SDSL: variants seen among roughly 807,000 people sequenced by gnomAD.
SDSL encodes the protein serine dehydratase like.
Under a neutral mutation model 27.6 loss-of-function variants are expected in SDSL, and 26 were observed. The ratio of observed to expected loss-of-function variants is 0.94; its 90% CI spans 0.69 to 1.31. SDSL has a LOEUF of 1.31. Ranked by LOEUF, SDSL falls within the 50% of genes most tolerant of loss-of-function variation. The pLI, the probability that SDSL is intolerant of heterozygous loss-of-function variation, is 0.00. For synonymous variants in SDSL, 196 were observed against 180.6 expected, an observed-to-expected ratio of 1.09 and a Z score of -0.69; for missense variants, 431 against 423.5, an observed-to-expected ratio of 1.02 and a Z score of -0.16.
rs774776829 is a variant in SDSL, at chr12:113,437,973, G to A, written c.884G>A (p.Gly295Asp). 1 of 1,614,118 alleles carries A rather than the reference G, an allele frequency of 6.2e-7. No homozygotes were observed. The highest frequency in any genetic ancestry group is 1.7e-5 in the Admixed American group (1 of 60,014). ...SGLLRRLQAE[G>D]CLPPSLTSVV... ...CTCCTGCGGAGGCTCCAGGCCGAGG[G>A]CTGCCTGCCCCCTTCCCTGACTTCA... The change falls in exon 8 of 8, where the codon GGC becomes GAC. Residue 295 changes from glycine to aspartate, a missense_variant. Transcript: ENST00000403593.
At chr12:113,437,800 C>T (rs1958016680) in intron 7 of SDSL, 86 bp from the exon 8 acceptor site, 6 of 1,220,588 alleles carry the variant, frequency 4.9e-6, no homozygotes, top group Non-Finnish European at 6.8e-6. Context: ...GAGATGGCTG[C>T]AAGGATCTGC....
intron 1 of SDSL, chr12:113,425,887 G>A: frequency 5.3e-6 from 2 of 379,130 alleles, no homozygotes; most frequent in South Asian, 3.9e-5. Context: ...TACTCGGGAG[G>A]CTGAGGCAGG....
intron 7 of SDSL, among the ~76,000 whole-genome samples, chr12:113,437,672 A>G (rs1958014695): frequency 6.6e-6 from 1 of 152,170 alleles, no homozygotes; most frequent in Non-Finnish European, 1.5e-5. Flanking sequence ...GAATGGATGG[A>G]TGGATAGAGA....
At chr12:113,423,606 G>A (rs1304487191) in intron 1 of SDSL, among the ~76,000 whole-genome samples, 1 of 152,218 alleles carries the variant, frequency 6.6e-6, no homozygotes, top group East Asian at 1.9e-4. Flanking sequence ...GCCGGATACA[G>A]TGGTGCATGT....
At position 113,438,212 on chromosome 12, in the gene SDSL, A is replaced by G; in HGVS notation, c.*133A>G. ...ACTGTGCTGGCTGCCTCCTGAAGGA[A>G]GCCCTCCTGGACTGCTTCTTTTGGC... is the stretch of plus-strand genomic sequence containing the variant. On this transcript the variant is annotated 3_prime_UTR_variant, in exon 8 of 8. Transcript: ENST00000403593. The G allele has an allele frequency of 1.3e-6, 1 of 750,268 alleles. No individual in the cohort carries two copies. The highest frequency in any genetic ancestry group is 2.1e-6 in the Non-Finnish European group (1 of 468,250). 46.5% of individuals were successfully genotyped at this position (750,268 alleles called of 1,614,324 possible). A position where few individuals can be genotyped will look rare whatever the true frequency, so the allele number is the denominator to read the frequency against.
chr12:113,429,267 G>C lies in SDSL; in HGVS notation c.322G>C (p.Gly108Arg), dbSNP rs186088585. The part of the protein sequence containing the change: ...TSLQVVQRLQ[G>R]EGAEVQLTGK... ...CCTGCAGGTGGTGCAGAGGCTGCAGGGGGAGGGGGCCGAGGTTCAGCTGAC... is the reference window on the plus strand; with the variant it reads ...CCTGCAGGTGGTGCAGAGGCTGCAGCGGGAGGGGGCCGAGGTTCAGCTGAC... Residue 108 changes from glycine (G) to arginine (R), a missense_variant, in exon 4 of 8, where the codon GGG (glycine) becomes CGG (arginine). Coordinates refer to ENST00000403593, the MANE Select transcript of SDSL (RefSeq NM_001304993.2). 1,039 of 1,613,150 alleles carry C rather than the reference G, an allele frequency of 6.4e-4. 8 individuals carry two copies. In the East Asian group the frequency reaches 0.018, roughly 28 times the overall value.
At chr12:113,429,072 T>C in intron 3 of SDSL, 88 bp from the exon 4 acceptor site, 1 of 1,470,476 alleles carries the variant, frequency 6.8e-7, no homozygotes, top group Non-Finnish European at 9.2e-7. Context: ...TGGGGACGAG[T>C]GACTCTGAAG....
At chr12:113,432,292 C>CT (rs1308164185) in intron 4 of SDSL, among the ~76,000 whole-genome samples, 1 of 131,004 alleles carries the variant, frequency 7.6e-6, no homozygotes, top group African/African-American at 3.0e-5. Context: ...TTCTTTCTTT[C>CT]TCTCTCTCTC....
chr12:113,426,158 C>T (rs12831817), intron 1 of SDSL: 2 of 455,650 alleles, frequency 4.4e-6, no homozygotes, highest in African/African-American at 4.0e-5. Context: ...ACCTCCTGCC[C>T]CAAACCCCTT....
intron 4 of SDSL, among the ~76,000 whole-genome samples, chr12:113,433,319 C>T (rs539380380): frequency 2.6e-5 from 4 of 152,300 alleles, no homozygotes; most frequent in East Asian, 1.9e-4. Flanking sequence ...TTCTGCCCCC[C>T]TTGTGACCCT....
At chr12:113,431,345 T>A (rs1957919006) in intron 4 of SDSL, among the ~76,000 whole-genome samples, 1 of 152,206 alleles carries the variant, frequency 6.6e-6, no homozygotes, top group East Asian at 1.9e-4. Context: ...ATTTTCACTC[T>A]GCCTGCTCTG....
At chr12:113,434,102 G>A (rs376715829) in intron 4 of SDSL, 32 bp from the exon 5 acceptor site, 12 of 1,593,880 alleles carry the variant, frequency 7.5e-6, no homozygotes, top group African/African-American at 2.7e-5. Context: ...TCCCACTCCC[G>A]GCTGTTCTGA....
At chr12:113,427,360 C>T (rs991049386) in intron 1 of SDSL, 4 of 153,510 alleles carry the variant, frequency 2.6e-5, no homozygotes, top group Admixed American at 6.4e-5. Flanking sequence ...ATCTGCCTGC[C>T]TTGGCCTCCC....
chr12:113,426,116 T>C (rs1422979300), intron 1 of SDSL: 1 of 453,090 alleles, frequency 2.2e-6, no homozygotes, highest in East Asian at 7.0e-5. Flanking sequence ...CTGGCACCCT[T>C]GTCCACATCT....
At chr12:113,426,269 C>T (rs752507035) in intron 1 of SDSL, 4 of 455,868 alleles carry the variant, frequency 8.8e-6, no homozygotes, top group South Asian at 6.2e-5. Context: ...TTCCTGTCAT[C>T]CATTTCAAAG....
At chr12:113,432,263 TC>T (rs1227778565) in intron 4 of SDSL, among the ~76,000 whole-genome samples, 4 of 141,640 alleles carry the variant, frequency 2.8e-5, no homozygotes, top group Non-Finnish European at 4.6e-5. Flanking sequence ...TTTCTTTCTT[TC>T]TTTCTTTCTT....
At chr12:113,433,913 C>T (rs982816320) in intron 4 of SDSL, among the ~76,000 whole-genome samples, 4 of 152,172 alleles carry the variant, frequency 2.6e-5, no homozygotes, top group Non-Finnish European at 4.4e-5. Flanking sequence ...TAGGACAGGT[C>T]GCTTGGGTAT....
At position 113,438,140 on chromosome 12, in the gene SDSL, G is replaced by A; in HGVS notation, c.*61G>A. ...CCCATGGACAGTCCTGTGTCTGGAT[G>A]AGGAGGACTCAGTGCTGGCAGATGG... On this transcript the variant is annotated 3_prime_UTR_variant, in exon 8 of 8. Transcript: ENST00000403593. 3 of 1,417,518 alleles carry A rather than the reference G, an allele frequency of 2.1e-6. No homozygotes were observed. The highest frequency in any genetic ancestry group is 2.9e-6 in the Non-Finnish European group (3 of 1,034,720). 87.8% of individuals were successfully genotyped at this position (1,417,518 alleles called of 1,614,324 possible).
Position 113,438,204 on chromosome 12 carries a change from C to A in SDSL, c.*125C>A. 1.3e-6 allele frequency: 1 copy of A among 790,890 alleles called. No homozygotes were observed. The highest frequency in any genetic ancestry group is 2.0e-6 in the Non-Finnish European group (1 of 501,578). 49.0% of individuals were successfully genotyped at this position (790,890 alleles called of 1,614,324 possible). ...CCTGTGCAACTGTGCTGGCTGCCTCCTGAAGGAAGCCCTCCTGGACTGCTT... is the reference window on the plus strand; with the variant it reads ...CCTGTGCAACTGTGCTGGCTGCCTCATGAAGGAAGCCCTCCTGGACTGCTT... On this transcript the variant is annotated 3_prime_UTR_variant, in exon 8 of 8. Transcript: ENST00000403593.
Sources: gnomAD v4.1 joint callset for allele counts (sites outside exome capture counted in the v4.1 genomes callset) on GRCh38, gnomAD v4.1.1 for gene constraint, MANE v1.5 for transcripts, NCBI Gene and HGNC (gene_info 2026-07-23, HGNC 2026-07-21) for gene names.